Variants in CCDC187 observed in about 807,000 individuals in gnomAD.
CCDC187 encodes coiled-coil domain containing 187.
In CCDC187, 32 loss-of-function variants were observed where a neutral mutation model predicts 38.0. The observed-to-expected ratio is 0.84, with a 90% CI of 0.64 to 1.13. The LOEUF (loss-of-function observed/expected upper bound fraction) is 1.13. Among genes scored for constraint, CCDC187 ranks in the 50% most tolerant of loss-of-function variants. The pLI is 0.00. For synonymous variants in CCDC187, 333 were observed against 347.9 expected (o/e 0.96, Z 0.48); for missense variants, 707 against 786.8 (o/e 0.90, Z 1.21).
chr9:136,267,755 C>A (rs1830772497), intron 15 of CCDC187: 1 of 897,422 alleles, frequency 1.1e-6, no homozygotes, highest in Non-Finnish European at 1.3e-6. Flanking sequence ...CACCACCAGC[C>A]CTGATCCAGG....
At chr9:136,302,298 A>C (rs1831705011) in intron 2 of CCDC187, among the ~76,000 whole-genome samples, 1 of 152,104 alleles carries the variant, frequency 6.6e-6, no homozygotes, top group African/African-American at 2.4e-5. Context: ...GGCTCTCAAC[A>C]TCACTCCAAG....
At chr9:136,287,160 G>A (rs1270769026) in intron 7 of CCDC187, among the ~76,000 whole-genome samples, 5 of 152,168 alleles carry the variant, frequency 3.3e-5, no homozygotes, top group Admixed American at 6.5e-5. Context: ...CCACCGACAC[G>A]GCGGAATAGT....
chr9:136,285,389 T>C (rs1004344152), intron 9 of CCDC187, 124 bp downstream of exon 9: 23 of 334,064 alleles, frequency 6.9e-5, no homozygotes, highest in Non-Finnish European at 1.1e-4. Flanking sequence ...CGGGGACACA[T>C]GGGGGTGAAG....
intron 4 of CCDC187, among the ~76,000 whole-genome samples, chr9:136,293,324 C>G (rs1288563155): frequency 6.6e-6 from 1 of 150,780 alleles, no homozygotes; most frequent in Non-Finnish European, 1.5e-5. Context: ...CTCACACTCA[C>G]ATGCTTACAC....
chr9:136,270,204 C>T (rs1191558212), intron 14 of CCDC187, among the ~76,000 whole-genome samples: 2 of 152,252 alleles, frequency 1.3e-5, no homozygotes, highest in East Asian at 3.9e-4. Context: ...AATAAAGACA[C>T]AAGGCAAAGA....
rs965582071 is a variant in CCDC187 at position 136,254,339 on chromosome 9, T to C, written c.5489A>G (p.Glu1830Gly). 1 of 981,946 alleles carries C rather than the reference T, an allele frequency of 1.0e-6. No individual in the cohort carries two copies. The highest frequency in any genetic ancestry group is 1.8e-5 in the African/African-American group (1 of 56,202). 60.8% of individuals were successfully genotyped at this position (981,946 alleles called of 1,614,324 possible). ...SLKGGVRSGM[E>G]PQVALPSPWP... ...TGGGGACGGAAGAGCCACCTGGGGC[T>C]CCATGCCGCTTCTGACACCCCCTTT... The change falls in exon 26 of 26, where the codon GAG becomes GGG. Residue 1830 changes from glutamate to glycine, a missense_variant. Glu to Gly is a moderately conservative substitution (Grantham distance 98, BLOSUM62 -2). Transcript: ENST00000638797.
At position 136,266,073 on chromosome 9, in the gene CCDC187, T is replaced by C. The variant is rs558783800; in HGVS notation, c.3648-30A>G. On this transcript the variant is annotated intron_variant, in intron 16 of 25. Transcript: ENST00000638797. The stretch of plus-strand genomic sequence containing the variant: ...GGGGAGGTGGCAACATCACTGCCAA[T>C]GTTGACAGCCCGTGCAAGTGGATAT... 3.0e-4 allele frequency: 298 copies of C among 980,826 alleles called. No homozygotes were observed. In the African/African-American group the frequency reaches 4.8e-3, roughly 16 times the overall value. 60.8% of individuals were successfully genotyped at this position (980,826 alleles called of 1,614,324 possible).
Position 136,293,359 on chromosome 9 carries a change from A to AC in CCDC187, c.833-1065_833-1064insG, listed in dbSNP as rs1831407096. ...CACTCACACTCACATGCTCACACAC[A>AC]TTCACATGCTCACACACTCACACTC... On this transcript the variant is annotated intron_variant, in intron 4 of 25. Transcript: ENST00000638797. Among the ~76,000 whole-genome samples the AC allele has an allele frequency of 1.5e-3, 208 of 134,724 alleles. 2 individuals carry two copies. The highest frequency in any genetic ancestry group is 2.6e-3 in the Non-Finnish European group (162 of 63,072). The allele number at this position is 134,724 out of a possible 152,430, so 88.4% of individuals were successfully genotyped here.
chr9:136,271,458 T>C (rs2131191732), intron 14 of CCDC187, among the ~76,000 whole-genome samples: 1 of 151,750 alleles, frequency 6.6e-6, no homozygotes, highest in East Asian at 2.0e-4. Flanking sequence ...GACGCAGAGG[T>C]TGCAGTGAGC....
intron 4 of CCDC187, among the ~76,000 whole-genome samples, chr9:136,292,655 G>C (rs931203886): frequency 6.6e-6 from 1 of 152,190 alleles, no homozygotes; most frequent in Non-Finnish European, 1.5e-5. Flanking sequence ...TGAAAGAAAC[G>C]CCGAGCAGCA....
chr9:136,267,241 A>G, intron 16 of CCDC187, 143 bp downstream of exon 16: 1 of 354,482 alleles, frequency 2.8e-6, no homozygotes. Flanking sequence ...TGTTTGGACC[A>G]GTACCTCTTG....
chr9:136,256,214 T>C lies in CCDC187; in HGVS notation c.4613A>G (p.Gln1538Arg). 3 of 985,480 alleles carry C rather than the reference T, an allele frequency of 3.0e-6. No individual in the cohort carries two copies. Among genetic ancestry groups the C allele is most frequent in the Non-Finnish European group, 3.6e-6 (3 of 829,948 alleles). 61.0% of individuals were successfully genotyped at this position (985,480 alleles called of 1,614,324 possible). Residue 1538 changes from glutamine to arginine, a missense_variant, in exon 24 of 26, where the codon CAG (glutamine) becomes CGG (arginine). By Grantham distance (43) the Gln-to-Arg change is conservative. Transcript: ENST00000638797. ...TCCAGGGAGCTCAGCCCCACACCTC[T>C]GCTCCCCCGATCGCCAGCTCTCGGT... ...QETESWRSGE[Q>R]RTEACQQEVP...
intron 10 of CCDC187, among the ~76,000 whole-genome samples, chr9:136,279,654 C>T (rs915422059): frequency 8.0e-4 from 122 of 152,356 alleles, no homozygotes; most frequent in African/African-American, 2.1e-3. Context: ...AGTGGGAGAA[C>T]GGAGCCCCAT....
Position 136,253,544 on chromosome 9 carries a change from T to A in CCDC187, c.*50A>T. The stretch of plus-strand genomic sequence containing the variant: ...TGCTGCAGAACTGCATCTACCCAAC[T>A]GGTCGTCAACGCTTCCACCCGGACC... On this transcript the variant is annotated 3_prime_UTR_variant, in exon 26 of 26. Coordinates refer to ENST00000638797, the MANE Select transcript of CCDC187 (RefSeq NM_001378188.1). 2.1e-6 allele frequency: 2 copies of A among 950,380 alleles called. No individual in the cohort carries two copies. The highest frequency in any genetic ancestry group is 2.5e-6 in the Non-Finnish European group (2 of 797,888). 58.9% of individuals were successfully genotyped at this position (950,380 alleles called of 1,614,324 possible). A position where few individuals can be genotyped will look rare whatever the true frequency, so the allele number is the denominator to read the frequency against.
chr9:136,282,383 G>C (rs1463010457), intron 9 of CCDC187, among the ~76,000 whole-genome samples: 3 of 152,252 alleles, frequency 2.0e-5, no homozygotes, highest in Non-Finnish European at 4.4e-5. Flanking sequence ...TGGTGAGGGA[G>C]AGCTACCAGG....
At chr9:136,265,665 C>G (rs1830735157) in intron 17 of CCDC187, 1 of 152,358 alleles carries the variant, frequency 6.6e-6, no homozygotes, top group Non-Finnish European at 1.5e-5. Context: ...AAAGGCTGAG[C>G]CTGGTCTGGA....
intron 10 of CCDC187, among the ~76,000 whole-genome samples, chr9:136,279,825 TC>T (rs1831004558): frequency 6.6e-6 from 1 of 152,254 alleles, no homozygotes; most frequent in Admixed American, 6.5e-5. Context: ...ACAAGGCGAT[TC>T]AGCCATGAGG....
intron 12 of CCDC187, 144 bp from the exon 13 acceptor site, chr9:136,275,151 C>A (rs1830908355): frequency 6.6e-6 from 1 of 152,296 alleles, no homozygotes; most frequent in African/African-American, 2.4e-5. Context: ...GCCTCTCTGT[C>A]CATCCTGCAA....
Position 136,260,178 on chromosome 9 carries a change from C to T in CCDC187, c.4151G>A (p.Gly1384Asp). 1.0e-6 allele frequency: 1 copy of T among 985,496 alleles called. No homozygotes were observed. The highest frequency in any genetic ancestry group is 1.7e-5 in the African/African-American group (1 of 57,302). 61.0% of individuals were successfully genotyped at this position (985,496 alleles called of 1,614,324 possible). ...GCCCTGGGGGTCGTGTGTGTCCTCGCCCCATGCTGGCCTCGGAGGCTGCTG... is the reference window on the plus strand; with the variant it reads ...GCCCTGGGGGTCGTGTGTGTCCTCGTCCCATGCTGGCCTCGGAGGCTGCTG... ...GHQQPPRPAW[G>D]EDTHDPQGPL... The change falls in exon 20 of 26, where the codon GGC (glycine) becomes GAC (aspartate). Residue 1384 changes from glycine (G) to aspartate (D), a missense_variant. Transcript: ENST00000638797.
Sources: allele counts gnomAD v4.1 joint callset (sites outside exome capture counted in the v4.1 genomes callset), GRCh38; gene constraint gnomAD v4.1.1; transcripts MANE v1.5; gene names NCBI Gene and HGNC (gene_info 2026-07-23, HGNC 2026-07-21).